Variants in ZBTB7C observed in about 807,000 individuals in gnomAD.
The protein encoded by ZBTB7C is zinc finger and BTB domain-containing protein 7C.
A neutral mutation model predicts 25.7 loss-of-function variants in ZBTB7C; 8 were observed. The observed-to-expected ratio is 0.31, with a 90% CI of 0.18 to 0.56. The LOEUF (loss-of-function observed/expected upper bound fraction) is 0.56, where lower values mean the gene tolerates loss of function less well. Ranked by LOEUF, ZBTB7C falls within the 20% of genes least tolerant of loss-of-function variation. ZBTB7C has a pLI of 0.91. For missense variants in ZBTB7C, 824 were observed against 855.2 expected (o/e 0.96, Z 0.46); for synonymous variants, 394 against 369.0 (o/e 1.07, Z -0.78).
At chr18:48,331,349 A>G (rs2046338571) in intron 2 of ZBTB7C, among the ~76,000 whole-genome samples, 1 of 152,196 alleles carries the variant, frequency 6.6e-6, no homozygotes, top group Non-Finnish European at 1.5e-5. Flanking sequence ...CTTGTGAGGT[A>G]GGTGGCAAGT....
intron 2 of ZBTB7C, among the ~76,000 whole-genome samples, chr18:48,231,287 G>T (rs2043245369): frequency 6.6e-6 from 1 of 152,110 alleles, no homozygotes; most frequent in Non-Finnish European, 1.5e-5. Context: ...CCCTCCCATG[G>T]CCACCCATAG....
chr18:48,121,080 G>T (rs577953464), intron 3 of ZBTB7C, among the ~76,000 whole-genome samples: 1 of 152,192 alleles, frequency 6.6e-6, no homozygotes, highest in Non-Finnish European at 1.5e-5. Context: ...CTACTCCTGC[G>T]CTCCCTGCAG....
rs965786295 is a variant in ZBTB7C, at chr18:48,246,889, T to C, written c.-78-60894A>G. Among the ~76,000 whole-genome samples, 6 of 151,908 alleles carry C rather than the reference T, an allele frequency of 3.9e-5. No homozygotes were observed. The South Asian group carries it at 6.2e-4, about 16-fold the overall frequency. Reference sequence around the variant, plus strand: ...AGTCAGGGCAGGACCAAGTCAGGGATAGAGGGGGCTAGACTGAGCGGACCA... The same window carrying C: ...AGTCAGGGCAGGACCAAGTCAGGGACAGAGGGGGCTAGACTGAGCGGACCA... On this transcript the variant is annotated intron_variant, in intron 2 of 4. Transcript: ENST00000590800.
At chr18:48,123,124 C>T (rs113230854) in intron 3 of ZBTB7C, among the ~76,000 whole-genome samples, 2,594 of 152,246 alleles carry the variant, frequency 0.017, 63 homozygotes, top group African/African-American at 0.058. Flanking sequence ...AAGCCTGATG[C>T]CTATGGCTGT....
intron 3 of ZBTB7C, among the ~76,000 whole-genome samples, chr18:48,151,775 G>A (rs1036271865): frequency 6.6e-5 from 10 of 152,180 alleles, no homozygotes; most frequent in East Asian, 1.9e-4. Flanking sequence ...AGGAGCTCAC[G>A]TTTCCATGCT....
In ZBTB7C at chr18:48,282,766, G is replaced by A. The variant is rs139279650; in HGVS notation, c.-79+55408C>T. Among the ~76,000 whole-genome samples the A allele has an allele frequency of 7.5e-3, 1,135 of 152,300 alleles. 9 individuals are homozygous for A. Among genetic ancestry groups the A allele is most frequent in the Middle Eastern group, 0.024 (7 of 294 alleles). ...GGCAGACACTGAAGGGTAATACTAT[G>A]TGATTTATGTAAAGTTAATAAAGTT... is the stretch of plus-strand genomic sequence containing the variant. On this transcript the variant is annotated intron_variant, in intron 2 of 4. Coordinates refer to ENST00000590800, the MANE Select transcript of ZBTB7C (RefSeq NM_001318841.2).
intron 2 of ZBTB7C, among the ~76,000 whole-genome samples, chr18:48,258,790 C>CAGGCGCACACCACCTG (rs370851247): frequency 0.095 from 14,411 of 151,978 alleles, 1,099 homozygotes; most frequent in African/African-American, 0.2. Flanking sequence ...TCCTGAGTAA[C>CAGGCGCACACCACCTG]TGGGATTACA....
intron 2 of ZBTB7C, among the ~76,000 whole-genome samples, chr18:48,264,989 G>C (rs1368181784): frequency 6.6e-6 from 1 of 152,210 alleles, no homozygotes; most frequent in East Asian, 1.9e-4. Context: ...CCACCTGTCT[G>C]GATGAGAGAC....
chr18:48,329,379 G>T (rs1395833145), intron 2 of ZBTB7C, among the ~76,000 whole-genome samples: 1 of 152,184 alleles, frequency 6.6e-6, no homozygotes, highest in Non-Finnish European at 1.5e-5. Flanking sequence ...TTAGTGACAT[G>T]TTCAGGGGCG....
chr18:48,086,827 T>A (rs1326164596), intron 3 of ZBTB7C, among the ~76,000 whole-genome samples: 1 of 152,232 alleles, frequency 6.6e-6, no homozygotes, highest in East Asian at 1.9e-4. Flanking sequence ...ATGTTTACCA[T>A]CTTATTTAAA....
intron 4 of ZBTB7C, among the ~76,000 whole-genome samples, chr18:48,031,010 T>G (rs778290044): frequency 6.6e-6 from 1 of 152,218 alleles, no homozygotes; most frequent in African/African-American, 2.4e-5. Context: ...AGTCTCCTAC[T>G]TCCTCCCTGC....
chr18:48,387,346 G>A (rs1249488036), intron 1 of ZBTB7C, among the ~76,000 whole-genome samples: 7 of 152,182 alleles, frequency 4.6e-5, no homozygotes, highest in Admixed American at 4.6e-4. Context: ...GACCAGTAAG[G>A]AATGTACTGC....
intron 3 of ZBTB7C, among the ~76,000 whole-genome samples, chr18:48,161,564 C>T (rs1310894539): frequency 6.6e-6 from 1 of 152,114 alleles, no homozygotes; most frequent in Admixed American, 6.5e-5. Flanking sequence ...CCCTGCCGGC[C>T]CCACTCGCCT....
intron 2 of ZBTB7C, among the ~76,000 whole-genome samples, chr18:48,250,959 C>T (rs1219953630): frequency 6.6e-6 from 1 of 152,110 alleles, no homozygotes; most frequent in African/African-American, 2.4e-5. Flanking sequence ...CATAACCTCT[C>T]ATGCCTATAA....
rs1025508210 is a variant in ZBTB7C at position 48,026,684 on chromosome 18, A to G, written c.*2576T>C. On this transcript the variant is annotated 3_prime_UTR_variant, in exon 5 of 5. Transcript: ENST00000590800. ...TCTCACCAGGTCATTAAGCAAGCAT[A>G]GCTCACTTTTACTCAAAACACTGTC... 1 of 152,128 alleles carries G rather than the reference A, an allele frequency of 6.6e-6. No individual in the cohort carries two copies. The highest frequency in any genetic ancestry group is 1.5e-5 in the Non-Finnish European group (1 of 68,032). 9.4% of individuals were successfully genotyped at this position (152,128 alleles called of 1,614,324 possible).
chr18:48,173,956 C>T (rs1422880607), intron 3 of ZBTB7C, among the ~76,000 whole-genome samples: 2 of 152,330 alleles, frequency 1.3e-5, no homozygotes, highest in African/African-American at 2.4e-5. Flanking sequence ...TCCCCATCTG[C>T]CCTCCTTCAT....
chr18:48,262,610 T>C (rs1465823965), intron 2 of ZBTB7C, among the ~76,000 whole-genome samples: 1 of 152,166 alleles, frequency 6.6e-6, no homozygotes, highest in African/African-American at 2.4e-5. Context: ...ACTTTATAAA[T>C]AAGGAAATCA....
At chr18:48,152,038 G>C (rs2040695626) in intron 3 of ZBTB7C, among the ~76,000 whole-genome samples, 1 of 152,194 alleles carries the variant, frequency 6.6e-6, no homozygotes, top group Non-Finnish European at 1.5e-5. Flanking sequence ...AGTGGGCAAG[G>C]GGGTGAGTTG....
chr18:48,219,262 T>G (rs2042896444), intron 2 of ZBTB7C, among the ~76,000 whole-genome samples: 1 of 152,096 alleles, frequency 6.6e-6, no homozygotes, highest in Admixed American at 6.5e-5. Context: ...CTGCATATGC[T>G]GCCGGCCCCT....
Sources: allele counts gnomAD v4.1 joint callset (sites outside exome capture counted in the v4.1 genomes callset), GRCh38; gene constraint gnomAD v4.1.1; transcripts MANE v1.5; gene names NCBI Gene and HGNC (gene_info 2026-07-23, HGNC 2026-07-21).